Variants in PTPRD observed in about 807,000 individuals in gnomAD.
PTPRD encodes the protein protein tyrosine phosphatase receptor type D, also known as receptor-type tyrosine-protein phosphatase delta.
Under a neutral mutation model 214.5 loss-of-function variants are expected in PTPRD, and 34 were observed. The observed-to-expected ratio is 0.16, with a 90% CI of 0.12 to 0.21. The LOEUF is 0.21. Ranked by LOEUF, PTPRD falls within the 10% of genes least tolerant of loss-of-function variation. The probability of loss-of-function intolerance (pLI) is 1.00; values close to 1 mark genes in which losing one functional copy is unlikely to be tolerated. For missense variants in PTPRD, 2,545 were observed against 2,398.7 expected, an observed-to-expected ratio of 1.06 and a Z score of -1.27; for synonymous variants, 1,128 against 845.7, an observed-to-expected ratio of 1.33 and a Z score of -5.79.
At chr9:8,827,573 C>T (rs2097201522) in intron 11 of PTPRD, among the ~76,000 whole-genome samples, 1 of 152,102 alleles carries the variant, frequency 6.6e-6, no homozygotes. Flanking sequence ...GGCCACCACA[C>T]TCCAGCCTGG....
At chr9:10,080,164 A>G (rs78290273) in intron 3 of PTPRD, among the ~76,000 whole-genome samples, 2,270 of 152,266 alleles carry the variant, frequency 0.015, 60 homozygotes, top group African/African-American at 0.052. Flanking sequence ...TCTCTGTAAC[A>G]GCCTGACAGC....
chr9:9,676,879 A>G (rs1365643650), intron 7 of PTPRD, among the ~76,000 whole-genome samples: 1 of 152,162 alleles, frequency 6.6e-6, no homozygotes, highest in African/African-American at 2.4e-5. Flanking sequence ...ATGGCCAGTG[A>G]TGATGAGCAT....
intron 5 of PTPRD, among the ~76,000 whole-genome samples, chr9:9,787,409 T>A (rs2098932985): frequency 7.2e-6 from 1 of 139,306 alleles, no homozygotes. Flanking sequence ...GAAGTGTTTA[T>A]GTCAACTATG....
At chr9:9,305,262 T>C (rs1239877564) in intron 9 of PTPRD, among the ~76,000 whole-genome samples, 1 of 152,014 alleles carries the variant, frequency 6.6e-6, no homozygotes, top group Non-Finnish European at 1.5e-5. Flanking sequence ...ATATTTACTT[T>C]TTTTGTTCTT....
intron 11 of PTPRD, among the ~76,000 whole-genome samples, chr9:8,937,849 C>T (rs2099007845): frequency 6.6e-6 from 1 of 152,148 alleles, no homozygotes; most frequent in Admixed American, 6.6e-5. Context: ...ATTTTGTTAA[C>T]TGATTCCCTG....
chr9:10,366,727 G>A (rs1221713946), intron 2 of PTPRD, among the ~76,000 whole-genome samples: 2 of 152,092 alleles, frequency 1.3e-5, no homozygotes, highest in African/African-American at 2.4e-5. Context: ...CAATTATCAA[G>A]ACACAACCTA....
intron 5 of PTPRD, among the ~76,000 whole-genome samples, chr9:9,774,234 T>G (rs1372025176): frequency 6.6e-6 from 1 of 152,220 alleles, no homozygotes; most frequent in Non-Finnish European, 1.5e-5. Flanking sequence ...GAGTTTGATT[T>G]TAATTTGTAT....
intron 3 of PTPRD, among the ~76,000 whole-genome samples, chr9:10,250,587 T>A (rs958885098): frequency 6.6e-6 from 1 of 152,060 alleles, no homozygotes; most frequent in African/African-American, 2.4e-5. Context: ...AATCCTTTGA[T>A]CAATCAACAA....
At position 9,224,604 on chromosome 9, in the gene PTPRD, C is replaced by T. The variant is rs114333035; in HGVS notation, c.-202-41241G>A. 6.9e-3 allele frequency among the ~76,000 whole-genome samples: 1,041 copies of T among 151,916 alleles called. 10 individuals carry two copies. Among genetic ancestry groups the T allele is most frequent in the African/African-American group, 0.023 (963 of 41,476 alleles). On this transcript the variant is annotated intron_variant, in intron 9 of 45. Coordinates refer to ENST00000381196, the MANE Select transcript of PTPRD (RefSeq NM_002839.4). ...AGTCATTATTAATGATTAAGGTAAA[C>T]GTATTAATTATGGTTATATTTTTAT...
intron 30 of PTPRD, among the ~76,000 whole-genome samples, chr9:8,471,365 G>T (rs1225780693): frequency 6.6e-6 from 1 of 152,044 alleles, no homozygotes; most frequent in Non-Finnish European, 1.5e-5. Context: ...TAGTTTGTTA[G>T]GGCCCTGGTG....
At chr9:10,597,068 T>C (rs2076786610) in intron 2 of PTPRD, among the ~76,000 whole-genome samples, 1 of 144,310 alleles carries the variant, frequency 6.9e-6, no homozygotes, top group Admixed American at 6.9e-5. Context: ...GGATTTATTT[T>C]CCATATATAT....
At chr9:9,136,326 T>C (rs2099850823) in intron 10 of PTPRD, among the ~76,000 whole-genome samples, 1 of 152,162 alleles carries the variant, frequency 6.6e-6, no homozygotes, top group Non-Finnish European at 1.5e-5. Context: ...TTATAAGGTG[T>C]TGGTAGCATT....
intron 8 of PTPRD, among the ~76,000 whole-genome samples, chr9:9,430,492 G>C (rs2082666479): frequency 6.6e-6 from 1 of 152,032 alleles, no homozygotes; most frequent in African/African-American, 2.4e-5. Flanking sequence ...GTAATTTATA[G>C]ATTCAATGCC....
chr9:8,960,393 G>C (rs148388791), intron 11 of PTPRD, among the ~76,000 whole-genome samples: 128 of 152,226 alleles, frequency 8.4e-4, no homozygotes, highest in African/African-American at 2.8e-3. Flanking sequence ...TATTCAGAGA[G>C]AGAAGTGGTC....
chr9:9,057,549 G>A (rs974802795), intron 10 of PTPRD, among the ~76,000 whole-genome samples: 5 of 152,062 alleles, frequency 3.3e-5, no homozygotes, highest in African/African-American at 1.2e-4. Context: ...ATTTCCTAAG[G>A]ATTTTTTGTT....
chr9:8,618,866 TTGTGTG>T lies in PTPRD; in HGVS notation c.352+14445_352+14450del, dbSNP rs371767469. ...TGCATGCCACCACACCCAGCTAATT[TTGTGTG>T]TGTGTGTGTGTGTGTGTGTGTGTGT... On this transcript the variant is annotated intron_variant, in intron 14 of 45. Coordinates refer to ENST00000381196, the MANE Select transcript of PTPRD (RefSeq NM_002839.4). Among the ~76,000 whole-genome samples, 1,213 of 130,958 alleles carry T rather than the reference TTGTGTG, an allele frequency of 9.3e-3. 19 individuals carry two copies. The highest frequency in any genetic ancestry group is 0.033 in the African/African-American group (1,137 of 34,524). The allele number at this position is 130,958 out of a possible 152,430, so 85.9% of individuals were successfully genotyped here.
intron 12 of PTPRD, among the ~76,000 whole-genome samples, chr9:8,710,488 C>G (rs948779228): frequency 6.6e-6 from 1 of 152,018 alleles, no homozygotes; most frequent in African/African-American, 2.4e-5. Context: ...TGGTGGCAGG[C>G]GCCTATACTC....
chr9:9,306,697 T>C (rs1957265068), intron 9 of PTPRD, among the ~76,000 whole-genome samples: 1 of 152,088 alleles, frequency 6.6e-6, no homozygotes, highest in Non-Finnish European at 1.5e-5. Context: ...GAAAATGGAA[T>C]GCTATTGAAT....
At chr9:9,229,681 A>G (rs930082200) in intron 9 of PTPRD, among the ~76,000 whole-genome samples, 1 of 152,136 alleles carries the variant, frequency 6.6e-6, no homozygotes, top group Non-Finnish European at 1.5e-5. Context: ...CTTAGGAGAG[A>G]CAAAGCTGGG....
Sources: gnomAD v4.1 joint callset for allele counts (sites outside exome capture counted in the v4.1 genomes callset) on GRCh38, gnomAD v4.1.1 for gene constraint, MANE v1.5 for transcripts, NCBI Gene and HGNC (gene_info 2026-07-23, HGNC 2026-07-21) for gene names.